Variants in PARD3 observed in about 807,000 individuals in gnomAD.
PARD3 encodes the protein par-3 family cell polarity regulator, also known as partitioning defective 3 homolog.
Under a neutral mutation model 155.4 loss-of-function variants are expected in PARD3, and 75 were observed. That is an observed-to-expected ratio of 0.48 (90% CI 0.40 to 0.58). PARD3 has a LOEUF of 0.58. Among genes scored for constraint, PARD3 ranks in the 20% least tolerant of loss-of-function variants. The pLI is 0.00. For missense variants in PARD3, 1,642 were observed against 1,721.7 expected, an observed-to-expected ratio of 0.95 and a Z score of 0.82; for synonymous variants, 576 against 610.5, an observed-to-expected ratio of 0.94 and a Z score of 0.83.
At chr10:34,602,404 A>G (rs2089868080) in intron 2 of PARD3, among the ~76,000 whole-genome samples, 1 of 152,204 alleles carries the variant, frequency 6.6e-6, no homozygotes, top group African/African-American at 2.4e-5. Context: ...TCCTGCTCTA[A>G]TTATGAATGA....
chr10:34,554,652 T>A (rs745329973), intron 2 of PARD3, among the ~76,000 whole-genome samples: 6 of 152,206 alleles, frequency 3.9e-5, no homozygotes, highest in Non-Finnish European at 7.3e-5. Flanking sequence ...AGAAACTTAA[T>A]ACTAGTTACA....
chr10:34,311,712 TA>T (rs1957707977), intron 20 of PARD3, among the ~76,000 whole-genome samples: 1 of 152,142 alleles, frequency 6.6e-6, no homozygotes, highest in African/African-American at 2.4e-5. Context: ...TTCAGCCATC[TA>T]AGCACAGAAA....
chr10:34,131,011 G>A (rs1359532964), intron 23 of PARD3, among the ~76,000 whole-genome samples: 1 of 152,126 alleles, frequency 6.6e-6, no homozygotes, highest in Non-Finnish European at 1.5e-5. Flanking sequence ...AGTAAGCTAT[G>A]ATCGCACCAC....
At chr10:34,753,215 G>C (rs1836287949) in intron 1 of PARD3, among the ~76,000 whole-genome samples, 1 of 152,182 alleles carries the variant, frequency 6.6e-6, no homozygotes, top group Non-Finnish European at 1.5e-5. Context: ...AGCCAAAGGG[G>C]ATGACACTCT....
rs542324129 is a variant in PARD3 at position 34,375,899 on chromosome 10, G to C, written c.1540-897C>G. 2.0e-5 allele frequency among the ~76,000 whole-genome samples: 3 copies of C among 152,242 alleles called. No homozygotes were observed. In the East Asian group the frequency reaches 5.8e-4, roughly 29 times the overall value. On this transcript the variant is annotated intron_variant, in intron 10 of 24. Coordinates refer to ENST00000374788, the MANE Select transcript of PARD3 (RefSeq NM_001184785.2). ...TACTACTATTAAGGAATTGCAGACA[G>C]AAGGACTGAATTCAAGTTCCAGTGG...
intron 3 of PARD3, among the ~76,000 whole-genome samples, chr10:34,473,147 C>T (rs778319076): frequency 9.2e-5 from 14 of 152,138 alleles, no homozygotes; most frequent in Admixed American, 3.3e-4. Flanking sequence ...GCTGCTACAG[C>T]GAATGCTCTA....
intron 1 of PARD3, among the ~76,000 whole-genome samples, chr10:34,755,443 C>T (rs1225623382): frequency 6.6e-6 from 1 of 151,916 alleles, no homozygotes; most frequent in African/African-American, 2.4e-5. Flanking sequence ...AATTGCTGGG[C>T]CGATCACAAG....
chr10:34,476,030 G>GT lies in PARD3; in HGVS notation c.404-5768dup, dbSNP rs142694531. Among the ~76,000 whole-genome samples the GT allele has an allele frequency of 3.9e-5, 6 of 152,016 alleles. No individual in the cohort carries two copies. In the East Asian group the frequency reaches 1.2e-3, roughly 29 times the overall value. ...AAGCTGGGCGTGGTGGCTCACGAAT[G>GT]TAACACTAGCTACTGAAGGAGGCTG... On this transcript the variant is annotated intron_variant, in intron 3 of 24. Transcript: ENST00000374788.
chr10:34,646,962 G>C (rs2092857617), intron 2 of PARD3, among the ~76,000 whole-genome samples: 1 of 152,014 alleles, frequency 6.6e-6, no homozygotes, highest in Non-Finnish European at 1.5e-5. Context: ...ACCTCTGATG[G>C]TCTCATAACA....
intron 4 of PARD3, among the ~76,000 whole-genome samples, chr10:34,463,441 CAG>C (rs2077810142): frequency 2.0e-5 from 3 of 151,646 alleles, no homozygotes; most frequent in South Asian, 4.2e-4. Context: ...AAGGAACACA[CAG>C]AAACAGTAGA....
chr10:34,189,170 A>G (rs1950605179), intron 22 of PARD3, among the ~76,000 whole-genome samples: 1 of 151,992 alleles, frequency 6.6e-6, no homozygotes, highest in African/African-American at 2.4e-5. Flanking sequence ...TGTCTCTACA[A>G]AAATAAAAAT....
chr10:34,495,624 G>A (rs1360472052), intron 3 of PARD3, among the ~76,000 whole-genome samples: 1 of 152,102 alleles, frequency 6.6e-6, no homozygotes, highest in African/African-American at 2.4e-5. Flanking sequence ...CTGATTCCAG[G>A]TATGGGGCAG....
chr10:34,233,017 ATTTTTTT>A (rs3039283), intron 22 of PARD3, among the ~76,000 whole-genome samples: 64 of 96,174 alleles, frequency 6.7e-4, no homozygotes, highest in South Asian at 2.1e-3. Flanking sequence ...TCAAATGTTA[ATTTTTTT>A]TTTTTTTTTT....
At chr10:34,417,087 A>G (rs1336530803) in intron 5 of PARD3, among the ~76,000 whole-genome samples, 1 of 152,150 alleles carries the variant, frequency 6.6e-6, no homozygotes, top group Non-Finnish European at 1.5e-5. Context: ...TCCCCACCCA[A>G]TCAGTAGCAC....
rs187011035 is a variant in PARD3 at position 34,339,207 on chromosome 10, T to C, written c.2409-1781A>G. 3.3e-5 allele frequency among the ~76,000 whole-genome samples: 5 copies of C among 152,294 alleles called. No individual in the cohort carries two copies. In the East Asian group the frequency reaches 7.7e-4, roughly 24 times the overall value. ...CACTCTGCACATGCTAACCAATTCT[T>C]TTTACCTCTTCTAGAATAATTTAAA... On this transcript the variant is annotated intron_variant, in intron 16 of 24. Coordinates refer to ENST00000374788, the MANE Select transcript of PARD3 (RefSeq NM_001184785.2).
At chr10:34,637,560 G>A (rs1311951811) in intron 2 of PARD3, among the ~76,000 whole-genome samples, 2 of 152,190 alleles carry the variant, frequency 1.3e-5, no homozygotes, top group Non-Finnish European at 2.9e-5. Flanking sequence ...GGGGGTTTCA[G>A]CGTTCAGTAA....
chr10:34,384,341 AC>A, intron 7 of PARD3, 87 bp from the exon 8 acceptor site: 1 of 1,225,104 alleles, frequency 8.2e-7, no homozygotes, highest in East Asian at 2.4e-5. Flanking sequence ...TATTATATTT[AC>A]AAAGATGTCC....
At chr10:34,687,791 G>A (rs1486522100) in intron 2 of PARD3, among the ~76,000 whole-genome samples, 1 of 143,758 alleles carries the variant, frequency 7.0e-6, no homozygotes, top group Non-Finnish European at 1.5e-5. Context: ...CCACACAAAA[G>A]TGTACTTCCC....
intron 3 of PARD3, among the ~76,000 whole-genome samples, chr10:34,472,295 T>G (rs2078402202): frequency 6.6e-6 from 1 of 152,160 alleles, no homozygotes; most frequent in African/African-American, 2.4e-5. Flanking sequence ...CCTTTGCTGC[T>G]TATTAATTTA....
Sources: allele counts gnomAD v4.1 joint callset (sites outside exome capture counted in the v4.1 genomes callset), GRCh38; gene constraint gnomAD v4.1.1; transcripts MANE v1.5; gene names NCBI Gene and HGNC (gene_info 2026-07-23, HGNC 2026-07-21).